The following TRIM71 variants were observed in gnomAD, a reference collection of about 807,000 sequenced individuals.
The protein encoded by TRIM71 is tripartite motif containing 71, also known as E3 ubiquitin-protein ligase TRIM71.
In TRIM71, 9 loss-of-function variants were observed where a neutral mutation model predicts 61.2. The ratio of observed to expected loss-of-function variants is 0.15; its 90% CI spans 0.09 to 0.26. The LOEUF (loss-of-function observed/expected upper bound fraction) is 0.26. TRIM71 is among the 10% of genes least tolerant of loss of function. The pLI, the probability that TRIM71 is intolerant of heterozygous loss-of-function variation, is 1.00. For synonymous variants in TRIM71, 645 were observed against 553.2 expected (o/e 1.17, Z -2.33); for missense variants, 998 against 1,238.7 (o/e 0.81, Z 2.92).
Position 32,897,123 on chromosome 3 carries a change from C to T in TRIM71, c.*5312C>T, listed in dbSNP as rs948029776. The stretch of plus-strand genomic sequence containing the variant: ...AATCTTGCTTAATACTGTCCATTAG[C>T]TCTCATGCCGGGTCAGCAAAATGCT... On this transcript the variant is annotated 3_prime_UTR_variant, in exon 4 of 4. Transcript: ENST00000383763. 6.6e-6 allele frequency: 1 copy of T among 151,784 alleles called. No homozygotes were observed. Among genetic ancestry groups the T allele is most frequent in the South Asian group, 2.1e-4 (1 of 4,798 alleles). 9.4% of individuals were successfully genotyped at this position (151,784 alleles called of 1,614,324 possible).
At chr3:32,838,834 T>C (rs1392226974) in intron 1 of TRIM71, among the ~76,000 whole-genome samples, 1 of 152,058 alleles carries the variant, frequency 6.6e-6, no homozygotes, top group African/African-American at 2.4e-5. Flanking sequence ...GAGGTCTCGC[T>C]CTGTCACCCA....
intron 1 of TRIM71, among the ~76,000 whole-genome samples, chr3:32,861,647 G>A (rs777359464): frequency 1.3e-5 from 2 of 152,054 alleles, no homozygotes; most frequent in South Asian, 4.2e-4. Flanking sequence ...CTCTGCTCTC[G>A]CTCATTTTGC....
At chr3:32,840,810 G>A (rs1696395611) in intron 1 of TRIM71, among the ~76,000 whole-genome samples, 2 of 152,314 alleles carry the variant, frequency 1.3e-5, no homozygotes, top group African/African-American at 4.8e-5. Context: ...CTGCTGCTGG[G>A]GAGCTTTCAG....
intron 1 of TRIM71, among the ~76,000 whole-genome samples, chr3:32,840,212 A>G (rs1696388354): frequency 6.6e-6 from 1 of 151,998 alleles, no homozygotes; most frequent in Non-Finnish European, 1.5e-5. Flanking sequence ...GCATTCACCA[A>G]TTCCTTTTCC....
chr3:32,819,045 G>GT, intron 1 of TRIM71, 113 bp downstream of exon 1: 1 of 1,241,942 alleles, frequency 8.1e-7, no homozygotes, highest in Non-Finnish European at 1.1e-6. Flanking sequence ...GATTTGGTTT[G>GT]TATTTCCTTT....
intron 1 of TRIM71, among the ~76,000 whole-genome samples, chr3:32,822,841 TAA>T (rs1176721996): frequency 6.6e-6 from 1 of 152,196 alleles, no homozygotes; most frequent in African/African-American, 2.4e-5. Flanking sequence ...CAGATGTAAC[TAA>T]GTTGGTGAAA....
chr3:32,889,031 G>A (rs1696993779), intron 3 of TRIM71, among the ~76,000 whole-genome samples: 1 of 152,100 alleles, frequency 6.6e-6, no homozygotes, highest in African/African-American at 2.4e-5. Context: ...TCTGTATCAG[G>A]GCCCCTAGAC....
chr3:32,887,442 A>T (rs1264060772), intron 3 of TRIM71, among the ~76,000 whole-genome samples: 1 of 149,926 alleles, frequency 6.7e-6, no homozygotes, highest in Non-Finnish European at 1.5e-5. Context: ...ACCTTGCTCC[A>T]AATCCTGTGG....
Position 32,859,840 on chromosome 3 carries a change from TAGTGAAGCCC to T in TRIM71, c.853-13974_853-13965del, listed in dbSNP as rs1348778334. Among the ~76,000 whole-genome samples, 8 of 152,104 alleles carry T rather than the reference TAGTGAAGCCC, an allele frequency of 5.3e-5. No individual in the cohort carries two copies. In the South Asian group the frequency reaches 1.5e-3, roughly 28 times the overall value. ...GGGACTGGGACTTTATTTCTGTCCT[TAGTGAAGCCC>T]AGTAACATGGTTCCTGGTTTGGCAG... On this transcript the variant is annotated intron_variant, in intron 1 of 3. Coordinates refer to ENST00000383763, the MANE Select transcript of TRIM71 (RefSeq NM_001039111.3).
At chr3:32,885,860 G>T in intron 2 of TRIM71, 74 bp from the exon 3 acceptor site, 1 of 1,540,482 alleles carries the variant, frequency 6.5e-7, no homozygotes. Flanking sequence ...GTCTGACAGA[G>T]CAGATTCAAA....
At chr3:32,859,110 C>G (rs968890900) in intron 1 of TRIM71, among the ~76,000 whole-genome samples, 1 of 152,034 alleles carries the variant, frequency 6.6e-6, no homozygotes, top group African/African-American at 2.4e-5. Context: ...CAAGTTCTGT[C>G]GAACAGCACG....
Position 32,891,957 on chromosome 3 carries a change from A to G in TRIM71, c.*146A>G. 8.3e-7 allele frequency: 1 copy of G among 1,202,480 alleles called. No homozygotes were observed. Among genetic ancestry groups the G allele is most frequent in the South Asian group, 1.7e-5 (1 of 59,912 alleles). The allele number at this position is 1,202,480 out of a possible 1,614,324, so 74.5% of individuals were successfully genotyped here. A position where few individuals can be genotyped will look rare whatever the true frequency, so the allele number is the denominator to read the frequency against. ...TTTCTTTTTTTTTTTTAAAGAGAAC[A>G]AGAAAAGTACAACATTGCTTAAGTC... is the stretch of plus-strand genomic sequence containing the variant. On this transcript the variant is annotated 3_prime_UTR_variant, in exon 4 of 4. Transcript: ENST00000383763. This position sits in a 1 kb window ranked among gnomAD's most constrained non-coding sequence, Gnocchi z 8.2.
intron 1 of TRIM71, among the ~76,000 whole-genome samples, chr3:32,858,765 A>G (rs1390656843): frequency 1.3e-5 from 2 of 152,182 alleles, no homozygotes; most frequent in African/African-American, 4.8e-5. Context: ...AGTGATAGAC[A>G]AAGTAAGGGT....
intron 1 of TRIM71, among the ~76,000 whole-genome samples, chr3:32,848,866 G>A (rs1047574974): frequency 6.6e-5 from 10 of 152,064 alleles, no homozygotes; most frequent in Non-Finnish European, 1.2e-4. Context: ...ATGGAGCAGT[G>A]GAAACTTGTG....
intron 1 of TRIM71, among the ~76,000 whole-genome samples, chr3:32,850,811 A>G (rs1356862742): frequency 1.3e-5 from 2 of 152,038 alleles, no homozygotes; most frequent in Non-Finnish European, 2.9e-5. Flanking sequence ...CTCTTGTGGG[A>G]TTAATCATTT....
At chr3:32,844,378 A>G (rs564423364) in intron 1 of TRIM71, among the ~76,000 whole-genome samples, 2 of 152,280 alleles carry the variant, frequency 1.3e-5, no homozygotes, top group South Asian at 2.1e-4. Context: ...ATTTTACCCA[A>G]TTGTCAGTCA....
intron 1 of TRIM71, among the ~76,000 whole-genome samples, chr3:32,840,330 C>T (rs1696389775): frequency 6.6e-6 from 1 of 150,988 alleles, no homozygotes; most frequent in African/African-American, 2.4e-5. Flanking sequence ...GGCCAACAAA[C>T]CCCGCATTCT....
intron 1 of TRIM71, among the ~76,000 whole-genome samples, chr3:32,841,431 A>C (rs1380804939): frequency 2.6e-5 from 4 of 152,040 alleles, no homozygotes; most frequent in African/African-American, 9.7e-5. Flanking sequence ...TAATCCCAGC[A>C]CTTTGGGAGG....
chr3:32,854,763 AG>A (rs1488709579), intron 1 of TRIM71, among the ~76,000 whole-genome samples: 22 of 152,222 alleles, frequency 1.4e-4, no homozygotes, highest in Non-Finnish European at 2.9e-5. Flanking sequence ...CCACTTAAAT[AG>A]AGCTATTGCA....
Sources: gnomAD v4.1 joint callset for allele counts (sites outside exome capture counted in the v4.1 genomes callset) on GRCh38, gnomAD v4.1.1 for gene constraint, Gnocchi (gnomAD v3.1) non-coding constraint, MANE v1.5 for transcripts, NCBI Gene and HGNC (gene_info 2026-07-23, HGNC 2026-07-21) for gene names.